The following JMJD1C variants were observed in gnomAD, a reference collection of about 807,000 sequenced individuals.
JMJD1C encodes jumonji domain-containing protein 1C.
JMJD1C carries 31 observed loss-of-function variants against 245.3 expected under a neutral mutation model. The observed-to-expected ratio is 0.13, with a 90% confidence interval of 0.09 to 0.17. The LOEUF is 0.17. JMJD1C is among the 10% of genes least tolerant of loss of function. The pLI is 1.00. For synonymous variants in JMJD1C, 1,057 were observed against 1,017.4 expected (o/e 1.04, Z -0.74); for missense variants, 2,691 against 3,000.2 (o/e 0.90, Z 2.41).
chr10:63,492,043 CTTCT>C (rs1462972601), intron 1 of JMJD1C, among the ~76,000 whole-genome samples: 4 of 152,222 alleles, frequency 2.6e-5, no homozygotes, highest in South Asian at 2.1e-4. Context: ...CTTTTTCTTT[CTTCT>C]TTCTCTCTCT....
At chr10:63,426,453 A>G (rs1297042940) in intron 1 of JMJD1C, among the ~76,000 whole-genome samples, 1 of 152,206 alleles carries the variant, frequency 6.6e-6, no homozygotes, top group Non-Finnish European at 1.5e-5. Flanking sequence ...CAGGTGGATC[A>G]CGATGTCAGG....
At chr10:63,454,355 GTT>G (rs952414671) in intron 1 of JMJD1C, among the ~76,000 whole-genome samples, 11 of 151,016 alleles carry the variant, frequency 7.3e-5, no homozygotes, top group Non-Finnish European at 1.5e-4. Context: ...CACCACCCTG[GTT>G]CAAGATTCTC....
At chr10:63,518,874 A>G (rs1955112080) in intron 1 of JMJD1C, among the ~76,000 whole-genome samples, 1 of 152,202 alleles carries the variant, frequency 6.6e-6, no homozygotes, top group African/African-American at 2.4e-5. Context: ...CCTTAAACAC[A>G]GTTCCGCTAT....
chr10:63,356,197 C>G (rs555733187), intron 2 of JMJD1C, among the ~76,000 whole-genome samples: 3 of 152,174 alleles, frequency 2.0e-5, no homozygotes, highest in Non-Finnish European at 1.5e-5. Context: ...CTACATATTA[C>G]TGACCAATAA....
Position 63,214,569 on chromosome 10 carries a change from G to C in JMJD1C, c.1598C>G (p.Thr533Arg). 6.2e-7 allele frequency: 1 copy of C among 1,613,988 alleles called. No individual in the cohort carries two copies. Among genetic ancestry groups the C allele is most frequent in the Non-Finnish European group, 8.5e-7 (1 of 1,179,942 alleles). The change falls in exon 8 of 26, where the codon ACA becomes AGA. Residue 533 changes from threonine to arginine, a missense_variant. By Grantham distance (71) the Thr-to-Arg change is moderately conservative. Around this residue, in one of 9 missense-constraint regions of JMJD1C, gnomAD observed 1,562 missense variants for 1,490.7 expected, o/e 1.05. Coordinates refer to ENST00000399262, the MANE Select transcript of JMJD1C (RefSeq NM_032776.3). The part of the protein sequence containing the change: ...QENSSTFGLQ[T>R]LQKMDPNVSD... ...AACATTAGGATCCATTTTCTGAAGT[G>C]TCTGAAGGCCAAAGGTACTTGAGTT...
chr10:63,278,558 CAAAAA>C (rs1333453149), intron 2 of JMJD1C, among the ~76,000 whole-genome samples: 2 of 150,256 alleles, frequency 1.3e-5, no homozygotes, highest in African/African-American at 2.5e-5. Flanking sequence ...AACAAACAAA[CAAAAA>C]AAAGAGTACT....
chr10:63,375,309 C>T (rs1388700987), intron 2 of JMJD1C, among the ~76,000 whole-genome samples: 1 of 149,966 alleles, frequency 6.7e-6, no homozygotes, highest in Non-Finnish European at 1.5e-5. Flanking sequence ...ACCTCAGCTT[C>T]CCAAGTAGCT....
chr10:63,193,232 G>A (rs1845057453), intron 15 of JMJD1C, 81 bp from the exon 16 acceptor site: 2 of 1,476,706 alleles, frequency 1.4e-6, no homozygotes, highest in South Asian at 1.2e-5. Context: ...AATTTACACA[G>A]AAACACAGCA....
intron 1 of JMJD1C, among the ~76,000 whole-genome samples, chr10:63,437,091 AATC>A (rs2132890738): frequency 6.6e-6 from 1 of 152,272 alleles, no homozygotes; most frequent in African/African-American, 2.4e-5. Context: ...GCCAAACCCC[AATC>A]ATCATTAAAT....
intron 3 of JMJD1C, among the ~76,000 whole-genome samples, chr10:63,256,175 T>C (rs1853895666): frequency 6.6e-6 from 1 of 152,168 alleles, no homozygotes; most frequent in Non-Finnish European, 1.5e-5. Context: ...AATCTGAATA[T>C]TGCAGAATAG....
At chr10:63,415,571 TTAAAAA>T (rs1225173637) in intron 1 of JMJD1C, among the ~76,000 whole-genome samples, 2 of 152,192 alleles carry the variant, frequency 1.3e-5, no homozygotes, top group Non-Finnish European at 2.9e-5. Context: ...AACATGACCT[TTAAAAA>T]AATCTTTTTA....
intron 1 of JMJD1C, among the ~76,000 whole-genome samples, chr10:63,488,236 A>G (rs980762435): frequency 3.3e-5 from 5 of 152,250 alleles, no homozygotes; most frequent in Admixed American, 3.3e-4. Flanking sequence ...CTTCAAAGGA[A>G]GGCCCTCCTA....
chr10:63,229,131 G>T (rs1373141084), intron 3 of JMJD1C, among the ~76,000 whole-genome samples: 1 of 152,082 alleles, frequency 6.6e-6, no homozygotes, highest in Non-Finnish European at 1.5e-5. Flanking sequence ...GTAGGTGTGT[G>T]TGTGTCTGAG....
intron 2 of JMJD1C, chr10:63,301,771 A>T (rs1350600268): frequency 2.3e-6 from 1 of 440,706 alleles, no homozygotes. Flanking sequence ...TACCTATGTA[A>T]CAAACCGGCA....
rs201371848 is a variant in JMJD1C, at chr10:63,215,001, A to G, written c.1166T>C (p.Ile389Thr). The G allele has an allele frequency of 4.6e-5, 73 of 1,601,206 alleles. No homozygotes were observed. The African/African-American group carries it at 9.4e-4, about 21-fold the overall frequency. Residue 389 changes from isoleucine (I) to threonine (T), a missense_variant, in exon 8 of 26, where the codon ATA becomes ACA. Physicochemically the swap from Ile to Thr is moderately conservative, Grantham distance 89. Around this residue, in one of 9 missense-constraint regions of JMJD1C, gnomAD observed 1,562 missense variants for 1,490.7 expected, o/e 1.05. Transcript: ENST00000399262. ...TGGCTTCTGTTCTGAGGAATTATCT[A>G]TTATTCTCTTATTTGAATTTTCTGA... is the stretch of plus-strand genomic sequence containing the variant. ...SDSENSNKRI[I>T]DNSSEQKPEN...
At chr10:63,438,921 C>T (rs994884728) in intron 1 of JMJD1C, among the ~76,000 whole-genome samples, 1 of 152,168 alleles carries the variant, frequency 6.6e-6, no homozygotes, top group African/African-American at 2.4e-5. Context: ...ATTCATCATA[C>T]TCATTTATCT....
intron 24 of JMJD1C, 104 bp from the exon 25 acceptor site, chr10:63,168,670 A>G: frequency 9.7e-7 from 1 of 1,028,534 alleles, no homozygotes; most frequent in Non-Finnish European, 1.3e-6. Flanking sequence ...TCTGCTGGAG[A>G]ATTTACTTTC....
intron 1 of JMJD1C, among the ~76,000 whole-genome samples, chr10:63,416,409 A>T (rs1949806888): frequency 6.6e-6 from 1 of 152,090 alleles, no homozygotes; most frequent in Non-Finnish European, 1.5e-5. Context: ...TTGCAGGAAA[A>T]ATCTATCTCA....
chr10:63,452,497 T>C (rs977469804), intron 1 of JMJD1C, among the ~76,000 whole-genome samples: 12 of 152,228 alleles, frequency 7.9e-5, no homozygotes, highest in South Asian at 2.1e-4. Flanking sequence ...GAACATATAA[T>C]GGTGCAGCCA....
Sources: allele counts gnomAD v4.1 joint callset (sites outside exome capture counted in the v4.1 genomes callset), GRCh38; gene constraint gnomAD v4.1.1; regional missense constraint gnomAD v4.1.1; transcripts MANE v1.5; gene names NCBI Gene and HGNC (gene_info 2026-07-23, HGNC 2026-07-21).